CADPS2: variants seen among roughly 807,000 people sequenced by gnomAD.
CADPS2 encodes calcium-dependent secretion activator 2.
Under a neutral mutation model 172.5 loss-of-function variants are expected in CADPS2, and 93 were observed. The observed-to-expected ratio is 0.54, with a 90% CI of 0.46 to 0.64. The LOEUF (loss-of-function observed/expected upper bound fraction) is 0.64, where lower values mean the gene tolerates loss of function less well. Among genes scored for constraint, CADPS2 ranks in the 30% least tolerant of loss-of-function variants. The pLI, the probability that CADPS2 is intolerant of heterozygous loss-of-function variation, is 0.00. For missense variants in CADPS2, 1,420 were observed against 1,565.9 expected (o/e 0.91, Z 1.57); for synonymous variants, 546 against 555.2 (o/e 0.98, Z 0.23).
chr7:122,652,147 C>A (rs1163913885), intron 3 of CADPS2, among the ~76,000 whole-genome samples: 1 of 152,146 alleles, frequency 6.6e-6, no homozygotes, highest in Non-Finnish European at 1.5e-5. Flanking sequence ...ATAGCATTTA[C>A]AACAGCATTT....
intron 1 of CADPS2, among the ~76,000 whole-genome samples, chr7:122,839,844 G>A (rs1809849255): frequency 6.6e-6 from 1 of 152,104 alleles, no homozygotes; most frequent in Non-Finnish European, 1.5e-5. Context: ...ACTGTAAACT[G>A]GTTCAACCAT....
intron 6 of CADPS2, among the ~76,000 whole-genome samples, chr7:122,587,597 A>G (rs1409863637): frequency 6.6e-6 from 1 of 152,144 alleles, no homozygotes; most frequent in African/African-American, 2.4e-5. Context: ...TATCTTTGCA[A>G]CAGAATGATT....
intron 22 of CADPS2, among the ~76,000 whole-genome samples, chr7:122,389,150 T>C (rs2044057757): frequency 6.6e-6 from 1 of 152,092 alleles, no homozygotes; most frequent in Non-Finnish European, 1.5e-5. Flanking sequence ...TATTCATGCA[T>C]ATGTGCCTCT....
intron 9 of CADPS2, 71 bp from the exon 10 acceptor site, chr7:122,491,491 C>T: frequency 1.4e-6 from 1 of 690,472 alleles, no homozygotes; most frequent in Non-Finnish European, 2.4e-6. Context: ...GTTTTTTTAT[C>T]AAAATACTCT....
chr7:122,679,338 G>A (rs999315245), intron 2 of CADPS2, among the ~76,000 whole-genome samples: 1 of 133,428 alleles, frequency 7.5e-6, no homozygotes, highest in African/African-American at 2.8e-5. Flanking sequence ...AATGAAACAT[G>A]CCCTACTCTC....
chr7:122,341,256 C>A (rs924862150), intron 28 of CADPS2, among the ~76,000 whole-genome samples: 1 of 152,222 alleles, frequency 6.6e-6, no homozygotes, highest in Non-Finnish European at 1.5e-5. Flanking sequence ...GCTACTGCTT[C>A]TTTGGTGGGA....
At chr7:122,324,833 T>G (rs1333013536) in intron 29 of CADPS2, among the ~76,000 whole-genome samples, 4 of 152,116 alleles carry the variant, frequency 2.6e-5, no homozygotes, top group African/African-American at 9.7e-5. Flanking sequence ...TGTGAAAAAT[T>G]ATGCATAATA....
At chr7:122,778,797 G>A (rs2093959582) in intron 1 of CADPS2, among the ~76,000 whole-genome samples, 3 of 152,330 alleles carry the variant, frequency 2.0e-5, no homozygotes, top group East Asian at 1.9e-4. Flanking sequence ...TAAGACTCTG[G>A]GGACTGTTGG....
intron 7 of CADPS2, among the ~76,000 whole-genome samples, chr7:122,565,018 A>G (rs917164506): frequency 6.6e-6 from 1 of 152,092 alleles, no homozygotes; most frequent in African/African-American, 2.4e-5. Flanking sequence ...GAGTGAAACA[A>G]TGGGTATACA....
At chr7:122,624,828 T>C (rs1201909562) in intron 4 of CADPS2, among the ~76,000 whole-genome samples, 1 of 152,126 alleles carries the variant, frequency 6.6e-6, no homozygotes, top group African/African-American at 2.4e-5. Context: ...AGCCCCTGGA[T>C]AGAACCATGA....
chr7:122,789,311 T>C (rs1339709967), intron 1 of CADPS2, among the ~76,000 whole-genome samples: 1 of 152,104 alleles, frequency 6.6e-6, no homozygotes, highest in African/African-American at 2.4e-5. Context: ...TCCTATCCTA[T>C]CTCCCCCAAG....
chr7:122,720,422 A>G (rs992935069), intron 2 of CADPS2, among the ~76,000 whole-genome samples: 6 of 149,524 alleles, frequency 4.0e-5, no homozygotes, highest in East Asian at 4.0e-4. Context: ...AGAGGTTTGT[A>G]TATATATATA....
chr7:122,359,787 T>C (rs148359078), intron 27 of CADPS2, among the ~76,000 whole-genome samples: 105 of 152,134 alleles, frequency 6.9e-4, no homozygotes, highest in African/African-American at 2.3e-3. Flanking sequence ...ATTTGTAAAA[T>C]AAAAAGTCCA....
intron 1 of CADPS2, among the ~76,000 whole-genome samples, chr7:122,844,074 GC>G (rs569226340): frequency 4.1e-4 from 62 of 152,308 alleles, no homozygotes; most frequent in African/African-American, 1.3e-3. Context: ...CCAAACACAA[GC>G]CCCAGCCACA....
At chr7:122,722,398 A>G (rs568201688) in intron 2 of CADPS2, among the ~76,000 whole-genome samples, 7,481 of 151,580 alleles carry the variant, frequency 0.049, 628 homozygotes, top group African/African-American at 0.17. Flanking sequence ...TACACCAATA[A>G]CAGACAAACA....
intron 12 of CADPS2, among the ~76,000 whole-genome samples, chr7:122,475,702 T>C (rs1456951709): frequency 1.3e-5 from 2 of 152,164 alleles, no homozygotes; most frequent in Non-Finnish European, 2.9e-5. Flanking sequence ...AAGAACTACA[T>C]AATTCAAGCT....
At chr7:122,871,784 C>G (rs924070093) in intron 1 of CADPS2, among the ~76,000 whole-genome samples, 1 of 152,042 alleles carries the variant, frequency 6.6e-6, no homozygotes, top group African/African-American at 2.4e-5. Flanking sequence ...TGTTAAGTAG[C>G]TCTTTCATTA....
At chr7:122,785,038 G>A (rs371545177) in intron 1 of CADPS2, among the ~76,000 whole-genome samples, 12 of 151,968 alleles carry the variant, frequency 7.9e-5, no homozygotes, top group African/African-American at 2.9e-4. Context: ...TCATATTTAT[G>A]CTCTGGGATT....
chr7:122,556,080 A>G (rs939056879), intron 7 of CADPS2, among the ~76,000 whole-genome samples: 4 of 152,068 alleles, frequency 2.6e-5, no homozygotes, highest in African/African-American at 7.2e-5. Flanking sequence ...CTATATACTC[A>G]AGTATATAAA....
Sources: allele counts gnomAD v4.1 joint callset (sites outside exome capture counted in the v4.1 genomes callset), GRCh38; gene constraint gnomAD v4.1.1; transcripts MANE v1.5; gene names NCBI Gene and HGNC (gene_info 2026-07-23, HGNC 2026-07-21).